Variants in DNAH7 observed in about 807,000 individuals in gnomAD.
DNAH7 encodes the protein dynein axonemal heavy chain 7, also known as axonemal beta dynein heavy chain 7.
Under a neutral mutation model 444.6 loss-of-function variants are expected in DNAH7, and 397 were observed. The observed-to-expected ratio is 0.89, with a 90% CI of 0.82 to 0.97. The LOEUF (loss-of-function observed/expected upper bound fraction) is 0.97, where lower values mean the gene tolerates loss of function less well. DNAH7 is among the 50% of genes least tolerant of loss of function. The pLI, the probability that DNAH7 is intolerant of heterozygous loss-of-function variation, is 0.00. For synonymous variants in DNAH7, 1,636 were observed against 1,624.4 expected (o/e 1.01, Z -0.17); for missense variants, 4,902 against 4,800.8 (o/e 1.02, Z -0.62).
At chr2:196,019,102 T>G (rs1394603878) in intron 9 of DNAH7, 68 bp downstream of exon 9, 1 of 1,327,830 alleles carries the variant, frequency 7.5e-7, no homozygotes, top group East Asian at 2.7e-5. Flanking sequence ...GTAAAAGAAA[T>G]AATTAAGATA....
intron 35 of DNAH7, 61 bp downstream of exon 35, chr2:195,884,524 A>G (rs767927231): frequency 4.4e-5 from 54 of 1,221,854 alleles, no homozygotes; most frequent in Non-Finnish European, 5.8e-5. Flanking sequence ...ATTATATGCT[A>G]TGTGTCAGAG....
chr2:195,794,280 C>A, intron 57 of DNAH7, 58 bp downstream of exon 57: 1 of 1,548,286 alleles, frequency 6.5e-7, no homozygotes, highest in South Asian at 1.1e-5. Context: ...CCATGATCAC[C>A]AGGGGCCACT....
chr2:195,937,127 G>A (rs1355099115), intron 19 of DNAH7, among the ~76,000 whole-genome samples: 1 of 151,916 alleles, frequency 6.6e-6, no homozygotes, highest in African/African-American at 2.4e-5. Flanking sequence ...ATTTTCTTTT[G>A]TATTTTATTC....
intron 46 of DNAH7, among the ~76,000 whole-genome samples, chr2:195,847,581 G>A (rs796286370): frequency 6.7e-6 from 1 of 149,720 alleles, no homozygotes; most frequent in Non-Finnish European, 1.5e-5. Context: ...TCTGTACACC[G>A]AACCCTGTTG....
At chr2:195,816,555 A>T in intron 51 of DNAH7, 73 bp downstream of exon 51, 1 of 1,138,640 alleles carries the variant, frequency 8.8e-7, no homozygotes, top group Non-Finnish European at 1.3e-6. Context: ...CTGAGACAAC[A>T]ATAGAGGTCA....
intron 27 of DNAH7, chr2:195,903,431 G>T (rs940603179): frequency 6.6e-6 from 1 of 152,008 alleles, no homozygotes; most frequent in Non-Finnish European, 1.5e-5. Flanking sequence ...GAAAAGCTAT[G>T]TATCACTTTA....
At chr2:195,777,374 T>C (rs966111865) in intron 59 of DNAH7, among the ~76,000 whole-genome samples, 3 of 152,234 alleles carry the variant, frequency 2.0e-5, no homozygotes, top group Non-Finnish European at 4.4e-5. Flanking sequence ...GTAAAAGGGA[T>C]AAAATAATAA....
chr2:195,782,590 A>T (rs191510434), intron 58 of DNAH7, among the ~76,000 whole-genome samples: 79 of 152,062 alleles, frequency 5.2e-4, no homozygotes, highest in African/African-American at 1.9e-3. Flanking sequence ...TAAATTAGCC[A>T]TTTTTTTCCA....
chr2:195,886,876 C>A (rs1701741060), intron 33 of DNAH7, among the ~76,000 whole-genome samples: 1 of 152,124 alleles, frequency 6.6e-6, no homozygotes, highest in Non-Finnish European at 1.5e-5. Context: ...AGCTCTCTTC[C>A]AATTGCCAAG....
At chr2:195,978,756 A>G (rs1692365529) in intron 15 of DNAH7, among the ~76,000 whole-genome samples, 1 of 152,176 alleles carries the variant, frequency 6.6e-6, no homozygotes, top group African/African-American at 2.4e-5. Context: ...ATGAAAACCA[A>G]AAGAGACCCG....
At chr2:196,021,629 G>A (rs939164171) in intron 8 of DNAH7, among the ~76,000 whole-genome samples, 1 of 151,772 alleles carries the variant, frequency 6.6e-6, no homozygotes, top group African/African-American at 2.4e-5. Flanking sequence ...AGACCAGCCT[G>A]GGCAACATAG....
intron 29 of DNAH7, 23 bp from the exon 30 acceptor site, chr2:195,895,247 A>C: frequency 6.6e-7 from 1 of 1,523,764 alleles, no homozygotes; most frequent in South Asian, 1.3e-5. Context: ...GATTTGAAGG[A>C]TTTACATTTT....
Position 195,875,710 on chromosome 2 carries a change from A to C in DNAH7, c.6251T>G (p.Val2084Gly), listed in dbSNP as rs1293572266. The change falls in exon 38 of 65, where the codon GTG becomes GGG. Residue 2084 changes from valine (V) to glycine (G), a missense_variant. Val to Gly is a moderately radical substitution (Grantham distance 109). Coordinates refer to ENST00000312428, the MANE Select transcript of DNAH7 (RefSeq NM_018897.3). ...CATAGCACACATGATCTGAATGTCCACTAGTTTAATCATGGAACAATCTTT... is the reference window on the plus strand; with the variant it reads ...CATAGCACACATGATCTGAATGTCCCCTAGTTTAATCATGGAACAATCTTT... ...DLKDCSMIKL[V>G]DIQIMCAMGP... 2.5e-6 allele frequency: 4 copies of C among 1,608,030 alleles called. No homozygotes were observed. The highest frequency in any genetic ancestry group is 3.4e-6 in the Non-Finnish European group (4 of 1,178,052).
intron 19 of DNAH7, among the ~76,000 whole-genome samples, chr2:195,947,402 T>A (rs1689889741): frequency 6.6e-6 from 1 of 151,236 alleles, no homozygotes; most frequent in Admixed American, 6.6e-5. Context: ...TATCAACTAG[T>A]CATCTACATT....
intron 54 of DNAH7, among the ~76,000 whole-genome samples, chr2:195,800,456 T>C (rs1393213288): frequency 2.0e-5 from 3 of 152,230 alleles, no homozygotes; most frequent in African/African-American, 7.2e-5. Flanking sequence ...CATGATATTG[T>C]TAATTCGGCT....
At chr2:195,857,073 TAATA>T (rs1699756867) in intron 44 of DNAH7, among the ~76,000 whole-genome samples, 1 of 150,550 alleles carries the variant, frequency 6.6e-6, no homozygotes, top group African/African-American at 2.4e-5. Context: ...TAAGATGAAT[TAATA>T]AACATTTTTA....
chr2:195,888,956 A>G lies in DNAH7; in HGVS notation c.5072T>C (p.Phe1691Ser), dbSNP rs1214132779. 3.7e-6 allele frequency: 6 copies of G among 1,612,868 alleles called. No individual in the cohort carries two copies. In the South Asian group the frequency reaches 5.5e-5, roughly 15 times the overall value. Residue 1691 changes from phenylalanine to serine, a missense_variant, in exon 32 of 65, where the codon TTT becomes TCT. Transcript: ENST00000312428. The part of the protein sequence containing the change: ...SVTPDRKWLI[F>S]DGPVDAVWIE... Reference sequence around the variant, plus strand: ...CCACACTGCATCTACTGGGCCATCAAAAATTAACCATTTCCTATCTGGAGT... The same window carrying G: ...CCACACTGCATCTACTGGGCCATCAGAAATTAACCATTTCCTATCTGGAGT...
chr2:195,984,790 T>C, intron 14 of DNAH7, 80 bp from the exon 15 acceptor site: 1 of 1,278,580 alleles, frequency 7.8e-7, no homozygotes, highest in South Asian at 1.3e-5. Context: ...ACTGTTTAAA[T>C]ATTCCATTGC....
rs1044497797 is a variant in DNAH7, at chr2:195,828,514, G to C, written c.9101-4069C>G. 4.6e-5 allele frequency among the ~76,000 whole-genome samples: 7 copies of C among 151,328 alleles called. No individual in the cohort carries two copies. In the East Asian group the frequency reaches 7.8e-4, roughly 17 times the overall value. On this transcript the variant is annotated intron_variant, in intron 48 of 64. Transcript: ENST00000312428. ...GCAGGAAAACAGCGTGAACCCAGGA[G>C]GCAGAGCTTGCAGTGAGCCGAGATC...
Sources: allele counts gnomAD v4.1 joint callset (sites outside exome capture counted in the v4.1 genomes callset), GRCh38; gene constraint gnomAD v4.1.1; transcripts MANE v1.5; gene names NCBI Gene and HGNC (gene_info 2026-07-23, HGNC 2026-07-21).